KHDRBS2: variants seen among roughly 807,000 people sequenced by gnomAD.
KHDRBS2 encodes KH RNA binding domain containing, signal transduction associated 2.
Under a neutral mutation model 44.3 loss-of-function variants are expected in KHDRBS2, and 26 were observed. The ratio of observed to expected loss-of-function variants is 0.59; its 90% confidence interval spans 0.43 to 0.81. KHDRBS2 has a LOEUF of 0.81. KHDRBS2 is among the 40% of genes least tolerant of loss of function. The pLI is 0.00. For synonymous variants in KHDRBS2, 194 were observed against 151.1 expected (o/e 1.28, Z -2.08); for missense variants, 476 against 433.1 (o/e 1.10, Z -0.88).
rs1219583311 is a variant in KHDRBS2 at position 62,061,601 on chromosome 6, T to G, written c.220-13607A>C. Reference sequence around the variant, plus strand: ...ACCCGAGCTTTCTCTCTGGCTGCCCTTAACATTTTTTCCTTCATTTCAACT... The same window carrying G: ...ACCCGAGCTTTCTCTCTGGCTGCCCGTAACATTTTTTCCTTCATTTCAACT... On this transcript the variant is annotated intron_variant, in intron 2 of 8. Transcript: ENST00000281156. Among the ~76,000 whole-genome samples, 6 of 150,822 alleles carry G rather than the reference T, an allele frequency of 4.0e-5. No individual in the cohort carries two copies. In the East Asian group the frequency reaches 1.0e-3, roughly 25 times the overall value.
chr6:61,850,038 T>C (rs1038696503), intron 6 of KHDRBS2, among the ~76,000 whole-genome samples: 3 of 152,030 alleles, frequency 2.0e-5, no homozygotes, highest in African/African-American at 7.2e-5. Flanking sequence ...CTCCTCAGAG[T>C]AGCAAATTAG....
chr6:61,699,807 G>T (rs576372159), intron 7 of KHDRBS2, among the ~76,000 whole-genome samples: 1 of 152,076 alleles, frequency 6.6e-6, no homozygotes, highest in South Asian at 2.1e-4. Context: ...TAAGTGTAAA[G>T]AAGCCGAAAA....
chr6:61,778,244 A>G (rs1405211910), intron 6 of KHDRBS2, among the ~76,000 whole-genome samples: 1 of 152,202 alleles, frequency 6.6e-6, no homozygotes, highest in Non-Finnish European at 1.5e-5. Context: ...AACTCCGTGG[A>G]TGAACAGAGC....
At chr6:61,956,904 TTCATCATCATCATCA>T (rs113300633) in intron 4 of KHDRBS2, among the ~76,000 whole-genome samples, 3 of 148,308 alleles carry the variant, frequency 2.0e-5, no homozygotes, top group Non-Finnish European at 3.0e-5. Context: ...GTTATTGGTT[TTCATCATCATCATCA>T]TCATCATCAT....
chr6:61,634,080 G>C, the KHDRBS2 span, among the ~76,000 whole-genome samples: 1 of 151,980 alleles, frequency 6.6e-6, no homozygotes, highest in African/African-American at 2.4e-5. Flanking sequence ...TTAAGTCTAA[G>C]TCAGAGTTGG....
chr6:61,605,424 A>G, the KHDRBS2 span, among the ~76,000 whole-genome samples: 1 of 152,214 alleles, frequency 6.6e-6, no homozygotes, highest in Admixed American at 6.5e-5. Context: ...TCTTAAAGTA[A>G]ATAAATAATC....
chr6:62,131,495 A>G (rs1305599756), intron 2 of KHDRBS2, among the ~76,000 whole-genome samples: 1 of 152,200 alleles, frequency 6.6e-6, no homozygotes, highest in Admixed American at 6.5e-5. Flanking sequence ...AGTCTGAAGG[A>G]ACGAGGGAGC....
chr6:61,825,966 T>C (rs1196208703), intron 6 of KHDRBS2, among the ~76,000 whole-genome samples: 1 of 152,172 alleles, frequency 6.6e-6, no homozygotes, highest in Non-Finnish European at 1.5e-5. Flanking sequence ...GAAGCAGTGC[T>C]AGATTCGGAT....
At chr6:61,976,786 T>G (rs1165172610) in intron 4 of KHDRBS2, among the ~76,000 whole-genome samples, 2 of 152,104 alleles carry the variant, frequency 1.3e-5, no homozygotes, top group African/African-American at 4.8e-5. Context: ...CTATCAGAGG[T>G]CTGGTCTGAA....
chr6:61,894,537 T>C, intron 6 of KHDRBS2, 98 bp downstream of exon 6: 1 of 925,966 alleles, frequency 1.1e-6, no homozygotes, highest in Non-Finnish European at 1.6e-6. Flanking sequence ...GCAACAAACA[T>C]TACCTGCTAT....
At chr6:61,606,800 G>T in the KHDRBS2 span, among the ~76,000 whole-genome samples, 1 of 152,156 alleles carries the variant, frequency 6.6e-6, no homozygotes, top group Non-Finnish European at 1.5e-5. Context: ...TTCTCTACAG[G>T]TGCAAATATC....
chr6:61,699,591 T>C (rs1561986129), intron 7 of KHDRBS2, among the ~76,000 whole-genome samples: 1 of 152,036 alleles, frequency 6.6e-6, no homozygotes. Context: ...TAAAATTAGA[T>C]GTTCTCTGAA....
chr6:61,773,222 T>G (rs1220788370), intron 6 of KHDRBS2, among the ~76,000 whole-genome samples: 1 of 152,170 alleles, frequency 6.6e-6, no homozygotes, highest in African/African-American at 2.4e-5. Flanking sequence ...CCACACTGAC[T>G]TCCACAATGG....
At chr6:62,030,403 A>G (rs1439460486) in intron 3 of KHDRBS2, among the ~76,000 whole-genome samples, 2 of 152,082 alleles carry the variant, frequency 1.3e-5, no homozygotes, top group African/African-American at 2.4e-5. Context: ...CATTTCATGA[A>G]TCAATTTGGT....
chr6:62,136,019 G>A lies in KHDRBS2; in HGVS notation c.219+41166C>T, dbSNP rs577302796. 2.0e-5 allele frequency among the ~76,000 whole-genome samples: 3 copies of A among 151,392 alleles called. No individual in the cohort carries two copies. The South Asian group carries it at 6.3e-4, about 32-fold the overall frequency. ...TATAGTTAATATTTTATTATGCACT[G>A]GAAATTTGCTAAGAAACTAGATTTT... is the stretch of plus-strand genomic sequence containing the variant. On this transcript the variant is annotated intron_variant, in intron 2 of 8. Coordinates refer to ENST00000281156, the MANE Select transcript of KHDRBS2 (RefSeq NM_152688.4).
At chr6:61,574,633 T>C in the KHDRBS2 span, among the ~76,000 whole-genome samples, 1 of 152,084 alleles carries the variant, frequency 6.6e-6, no homozygotes, top group African/African-American at 2.4e-5. Flanking sequence ...CCTAGGGGCG[T>C]GGTAGCTCAT....
intron 3 of KHDRBS2, among the ~76,000 whole-genome samples, chr6:61,994,593 T>C (rs1776814729): frequency 6.6e-6 from 1 of 152,190 alleles, no homozygotes; most frequent in South Asian, 2.1e-4. Flanking sequence ...GTCTCTGACC[T>C]GAGAGAGCTC....
chr6:62,052,368 C>T (rs1354535456), intron 2 of KHDRBS2, among the ~76,000 whole-genome samples: 3 of 151,240 alleles, frequency 2.0e-5, no homozygotes, highest in Admixed American at 6.6e-5. Context: ...TGAAATAAGC[C>T]AGACACAAAA....
chr6:62,229,599 G>A (rs534789133), intron 1 of KHDRBS2, among the ~76,000 whole-genome samples: 1 of 152,342 alleles, frequency 6.6e-6, no homozygotes, highest in Non-Finnish European at 1.5e-5. Context: ...AATCTGTGCA[G>A]CTCCATGGTT....
Sources: allele counts gnomAD v4.1 joint callset (sites outside exome capture counted in the v4.1 genomes callset), GRCh38; gene constraint gnomAD v4.1.1; transcripts MANE v1.5; gene names NCBI Gene and HGNC (gene_info 2026-07-23, HGNC 2026-07-21).